The following OTUD7A variants were observed in gnomAD, a reference collection of about 807,000 sequenced individuals.
OTUD7A encodes OTU domain-containing protein 7A.
Under a neutral mutation model 65.7 loss-of-function variants are expected in OTUD7A, and 12 were observed. That is an observed-to-expected ratio of 0.18 (90% confidence interval 0.12 to 0.30). The LOEUF is 0.30. OTUD7A is among the 10% of genes least tolerant of loss of function. The probability of loss-of-function intolerance (pLI) is 1.00; values close to 1 mark genes in which losing one functional copy is unlikely to be tolerated. For missense variants in OTUD7A, 1,148 were observed against 1,304.8 expected (o/e 0.88, Z 1.85); for synonymous variants, 641 against 586.3 (o/e 1.09, Z -1.35).
chr15:31,506,949 C>T (rs868803882), intron 8 of OTUD7A, among the ~76,000 whole-genome samples: 10 of 152,076 alleles, frequency 6.6e-5, no homozygotes, highest in Admixed American at 2.6e-4. Flanking sequence ...ATAATTTGGG[C>T]CTCTGGAGTA....
In OTUD7A at chr15:31,733,149, C is replaced by T. The variant is rs528809504; in HGVS notation, c.-99-76072G>A. ...CCTGGCCAAGTTGGTGATGTATCAG[C>T]ACTCCATTTCCTTACATCTTAACTC... On this transcript the variant is annotated intron_variant, in intron 1 of 12. Transcript: ENST00000307050. 4.6e-5 allele frequency among the ~76,000 whole-genome samples: 7 copies of T among 152,322 alleles called. No homozygotes were observed. The East Asian group carries it at 9.6e-4, about 21-fold the overall frequency.
chr15:31,676,650 G>A (rs1892600684), intron 1 of OTUD7A, among the ~76,000 whole-genome samples: 1 of 152,136 alleles, frequency 6.6e-6, no homozygotes, highest in African/African-American at 2.4e-5. Context: ...TCAACCCAAT[G>A]GTGCACTGGC....
intron 3 of OTUD7A, among the ~76,000 whole-genome samples, chr15:31,570,895 G>A (rs1889033260): frequency 1.3e-5 from 2 of 152,218 alleles, no homozygotes; most frequent in African/African-American, 4.8e-5. Context: ...GACTCTGAGA[G>A]TCAGTGGGCT....
At chr15:31,577,833 A>T (rs1889251259) in intron 3 of OTUD7A, among the ~76,000 whole-genome samples, 1 of 151,642 alleles carries the variant, frequency 6.6e-6, no homozygotes, top group Non-Finnish European at 1.5e-5. Flanking sequence ...AAAAAAAAAA[A>T]ACAACACAGA....
chr15:31,843,370 C>G (rs1196671121), intron 1 of OTUD7A, among the ~76,000 whole-genome samples: 3 of 146,690 alleles, frequency 2.0e-5, no homozygotes, highest in African/African-American at 7.5e-5. Context: ...TAAGCCTTAA[C>G]ACAGTCAGTC....
Position 31,501,359 on chromosome 15 carries a change from GT to G in OTUD7A, c.1171+330del, listed in dbSNP as rs923756635. Among the ~76,000 whole-genome samples the G allele has an allele frequency of 2.6e-5, 4 of 152,218 alleles. No individual in the cohort carries two copies. The East Asian group carries it at 5.8e-4, about 22-fold the overall frequency. On this transcript the variant is annotated intron_variant, in intron 10 of 12. Coordinates refer to ENST00000307050, the MANE Select transcript of OTUD7A (RefSeq NM_001382637.1). ...TAGTTCATTAATACTTGCTTTTGAAGTTTTTTTCCCTTTAATTTATATCTAA... is the reference window on the plus strand; with the variant it reads ...TAGTTCATTAATACTTGCTTTTGAAGTTTTTTCCCTTTAATTTATATCTAA...
At chr15:31,818,162 C>T (rs1005452352) in intron 1 of OTUD7A, among the ~76,000 whole-genome samples, 45 of 152,200 alleles carry the variant, frequency 3.0e-4, no homozygotes, top group African/African-American at 1.1e-3. Context: ...CTCGGACTCC[C>T]AAACTGTGAG....
chr15:31,652,953 A>G (rs1891883070), intron 3 of OTUD7A, among the ~76,000 whole-genome samples: 1 of 152,170 alleles, frequency 6.6e-6, no homozygotes, highest in Non-Finnish European at 1.5e-5. Context: ...TATTTAGCCT[A>G]GAAAAATTAA....
In OTUD7A at chr15:31,527,208, C is replaced by T; in HGVS notation, c.753G>A (p.Arg251=). ...AEREALKRRW[R]WQQTQQNKES... The stretch of plus-strand genomic sequence containing the variant: ...CCTTATTCTGCTGCGTCTGCTGCCA[C>T]CTCCACCTCCGCTTCAGGGCTTCCC... Residue 251 remains arginine, a synonymous_variant, in exon 7 of 13, where the codon AGG becomes AGA. Transcript: ENST00000307050. 1 of 1,614,200 alleles carries T rather than the reference C, an allele frequency of 6.2e-7. No individual in the cohort carries two copies. Among genetic ancestry groups the T allele is most frequent in the South Asian group, 1.1e-5 (1 of 91,080 alleles).
intron 1 of OTUD7A, among the ~76,000 whole-genome samples, chr15:31,661,280 A>G (rs946864113): frequency 1.6e-4 from 25 of 152,306 alleles, no homozygotes; most frequent in African/African-American, 5.3e-4. Flanking sequence ...GAAATGATAT[A>G]CTCATCAATG....
rs1195617125 is a variant in OTUD7A, at chr15:31,642,953, C to G, written c.151+12143G>C. ...ATTTGCTCTTTTTTTTTCTAGTTTT[C>G]AAGATAAAAATTAAGGTAACTGATT... is the stretch of plus-strand genomic sequence containing the variant. On this transcript the variant is annotated intron_variant, in intron 3 of 12. Transcript: ENST00000307050. Among the ~76,000 whole-genome samples the G allele has an allele frequency of 4.6e-5, 7 of 151,442 alleles. No individual in the cohort carries two copies. The East Asian group carries it at 1.4e-3, about 29-fold the overall frequency.
chr15:31,540,356 G>A (rs1490133642), intron 5 of OTUD7A, among the ~76,000 whole-genome samples: 2 of 152,192 alleles, frequency 1.3e-5, no homozygotes, highest in East Asian at 1.9e-4. Flanking sequence ...AGTTGAAAAT[G>A]AGGATGAAAT....
chr15:31,866,609 T>A (rs1198173134), intron 1 of OTUD7A, among the ~76,000 whole-genome samples: 1 of 152,202 alleles, frequency 6.6e-6, no homozygotes, highest in Admixed American at 6.5e-5. Flanking sequence ...AGTCTACCAA[T>A]AGGCAAATAA....
rs74012551 is a variant in OTUD7A at position 31,586,288 on chromosome 15, T to A, written c.152-16091A>T. On this transcript the variant is annotated intron_variant, in intron 3 of 12. Coordinates refer to ENST00000307050, the MANE Select transcript of OTUD7A (RefSeq NM_001382637.1). ...TCAATTTCTTTAAATGAATTTACCC[T>A]GAATTTAAATGAAAGTCTAAATTCC... Among the ~76,000 whole-genome samples the A allele has an allele frequency of 4.6e-3, 706 of 152,382 alleles. 5 individuals carry two copies. Among genetic ancestry groups the A allele is most frequent in the African/African-American group, 0.016 (673 of 41,586 alleles).
intron 1 of OTUD7A, among the ~76,000 whole-genome samples, chr15:31,696,631 AGT>A (rs1893090455): frequency 6.8e-6 from 1 of 147,750 alleles, no homozygotes; most frequent in Non-Finnish European, 1.5e-5. Context: ...CCTGTGTCCC[AGT>A]GCTCAGAGGC....
At chr15:31,584,342 T>C (rs1484099785) in intron 3 of OTUD7A, among the ~76,000 whole-genome samples, 2 of 152,224 alleles carry the variant, frequency 1.3e-5, no homozygotes, top group African/African-American at 4.8e-5. Context: ...ATCACAAGAC[T>C]GGGGCTTTGG....
intron 3 of OTUD7A, among the ~76,000 whole-genome samples, chr15:31,618,392 C>T (rs538700856): frequency 6.6e-6 from 1 of 152,348 alleles, no homozygotes; most frequent in South Asian, 2.1e-4. Context: ...TACAGTCCAA[C>T]CAACAATGTA....
intron 1 of OTUD7A, among the ~76,000 whole-genome samples, chr15:31,815,379 A>G (rs141517683): frequency 1.1e-4 from 17 of 152,348 alleles, no homozygotes; most frequent in Non-Finnish European, 2.4e-4. Context: ...GTGAGTGACC[A>G]TTCGCATCTG....
chr15:31,577,521 G>A (rs1177612394), intron 3 of OTUD7A, among the ~76,000 whole-genome samples: 1 of 152,042 alleles, frequency 6.6e-6, no homozygotes, highest in African/African-American at 2.4e-5. Flanking sequence ...CTGAACCAAT[G>A]TATACCTTAC....
Sources: gnomAD v4.1 joint callset for allele counts (sites outside exome capture counted in the v4.1 genomes callset) on GRCh38, gnomAD v4.1.1 for gene constraint, MANE v1.5 for transcripts, NCBI Gene and HGNC (gene_info 2026-07-23, HGNC 2026-07-21) for gene names.